SLC6A18: variants seen among roughly 807,000 people sequenced by gnomAD.
SLC6A18 encodes solute carrier family 6 member 18.
Under a neutral mutation model 62.9 loss-of-function variants are expected in SLC6A18, and 58 were observed. That is an observed-to-expected ratio of 0.92 (90% confidence interval 0.75 to 1.15). The LOEUF (loss-of-function observed/expected upper bound fraction) is 1.15. Among genes scored for constraint, SLC6A18 ranks in the 50% most tolerant of loss-of-function variants. The pLI, the probability that SLC6A18 is intolerant of heterozygous loss-of-function variation, is 0.00. For synonymous variants in SLC6A18, 382 were observed against 365.8 expected, an observed-to-expected ratio of 1.04 and a Z score of -0.51; for missense variants, 793 against 836.6, an observed-to-expected ratio of 0.95 and a Z score of 0.64.
In SLC6A18 at chr5:1,236,942, A is replaced by C. The variant is rs536846220; in HGVS notation, c.622-1008A>C. Among the ~76,000 whole-genome samples the C allele has an allele frequency of 4.6e-5, 7 of 152,224 alleles. No individual in the cohort carries two copies. In the South Asian group the frequency reaches 1.5e-3, roughly 32 times the overall value. On this transcript the variant is annotated intron_variant, in intron 4 of 11. Coordinates refer to ENST00000324642, the MANE Select transcript of SLC6A18 (RefSeq NM_182632.3). Reference sequence around the variant, plus strand: ...AATCCTATTATAAAGGCCCTTAAAAATGCATCCCAAGCTGGGCACAGTGGC... The same window carrying C: ...AATCCTATTATAAAGGCCCTTAAAACTGCATCCCAAGCTGGGCACAGTGGC...
chr5:1,231,402 C>G (rs957358759), intron 1 of SLC6A18, among the ~76,000 whole-genome samples: 1 of 152,302 alleles, frequency 6.6e-6, no homozygotes, highest in Admixed American at 6.5e-5. Flanking sequence ...AGTGGGGGGA[C>G]TGGTCCAGCC....
chr5:1,226,410 G>A (rs898241475), intron 1 of SLC6A18, among the ~76,000 whole-genome samples: 1 of 152,144 alleles, frequency 6.6e-6, no homozygotes, highest in Non-Finnish European at 1.5e-5. Context: ...CAGGCAACAC[G>A]GGCAGGGGCT....
chr5:1,240,208 G>A (rs141545259), intron 6 of SLC6A18, among the ~76,000 whole-genome samples: 1 of 152,238 alleles, frequency 6.6e-6, no homozygotes, highest in Non-Finnish European at 1.5e-5. Flanking sequence ...CTCCTTTGGA[G>A]ATGATTTTCC....
In SLC6A18 at chr5:1,243,542, C is replaced by T. The variant is rs948520092; in HGVS notation, c.1132-13C>T. On this transcript the variant is annotated splice_polypyrimidine_tract_variant and intron_variant, in intron 8 of 11. Transcript: ENST00000324642. This position sits in a 1 kb window ranked among gnomAD's most constrained non-coding sequence, Gnocchi z 6.5. ...TGTGCGTGGCCTGAAGCCCGGGGCTCCGTGTATTGCAGAGTGCCTCGGGCC... is the reference window on the plus strand; with the variant it reads ...TGTGCGTGGCCTGAAGCCCGGGGCTTCGTGTATTGCAGAGTGCCTCGGGCC... The T allele has an allele frequency of 1.2e-6, 2 of 1,612,166 alleles. No homozygotes were observed. Among genetic ancestry groups the T allele is most frequent in the African/African-American group, 2.7e-5 (2 of 74,904 alleles).
chr5:1,245,792 G>T (rs897828064), intron 11 of SLC6A18, 56 bp from the exon 12 acceptor site: 38 of 1,525,660 alleles, frequency 2.5e-5, no homozygotes, highest in Admixed American at 9.5e-5. Context: ...GAGCACGGGG[G>T]TCAGCCTCAC....
At position 1,233,199 on chromosome 5, in the gene SLC6A18, C is replaced by T. The variant is rs572214461; in HGVS notation, c.439+311C>T. On this transcript the variant is annotated intron_variant, in intron 3 of 11. Transcript: ENST00000324642. ...TGTTGTTAGATTTAAGACGTTAGGT[C>T]GGACGCCGTGGCTCACGCTTGTCAA... Among the ~76,000 whole-genome samples the T allele has an allele frequency of 1.5e-4, 23 of 152,294 alleles. No individual in the cohort carries two copies. In the South Asian group the frequency reaches 2.9e-3, roughly 19 times the overall value.
rs556538069 is a variant in SLC6A18 at position 1,243,380 on chromosome 5, C to T, written c.1132-175C>T. Reference sequence around the variant, plus strand: ...ACCCTCCCCTGCAGAGTTGCGCTTGCAGCCTCGTCTCCCAGAAGGCATGGC... The same window carrying T: ...ACCCTCCCCTGCAGAGTTGCGCTTGTAGCCTCGTCTCCCAGAAGGCATGGC... On this transcript the variant is annotated intron_variant, in intron 8 of 11. Transcript: ENST00000324642. The surrounding 1 kb of genome is among the most constrained non-coding windows in gnomAD (Gnocchi z 6.5). Among the ~76,000 whole-genome samples, 12 of 152,332 alleles carry T rather than the reference C, an allele frequency of 7.9e-5. No individual in the cohort carries two copies. In the East Asian group the frequency reaches 1.5e-3, roughly 20 times the overall value.
In SLC6A18 at chr5:1,235,400, C is replaced by T. The variant is rs573703677; in HGVS notation, c.440-81C>T. The stretch of plus-strand genomic sequence containing the variant: ...CCAAAAGGGCAGTGTTGTGAGCAGC[C>T]CAGGGAAATTGAGCTCAAGAGCCAC... On this transcript the variant is annotated intron_variant, in intron 3 of 11. Transcript: ENST00000324642. The T allele has an allele frequency of 1.2e-5, 17 of 1,431,014 alleles. No individual in the cohort carries two copies. In the South Asian group the frequency reaches 2.0e-4, roughly 17 times the overall value. The allele number at this position is 1,431,014 out of a possible 1,614,324, so 88.6% of individuals were successfully genotyped here.
At chr5:1,237,553 T>A (rs115806907) in intron 4 of SLC6A18, among the ~76,000 whole-genome samples, 2,635 of 152,072 alleles carry the variant, frequency 0.017, 86 homozygotes, top group African/African-American at 0.06. Context: ...GGAAAGGATA[T>A]GGTCAGAAAC....
chr5:1,228,635 C>T (rs574620198), intron 1 of SLC6A18, among the ~76,000 whole-genome samples: 13 of 152,224 alleles, frequency 8.5e-5, no homozygotes, highest in African/African-American at 1.2e-4. Context: ...TGCTTATGAA[C>T]GACTGCTAAA....
intron 3 of SLC6A18, among the ~76,000 whole-genome samples, chr5:1,234,569 C>A (rs1005574152): frequency 6.6e-6 from 1 of 152,250 alleles, no homozygotes; most frequent in African/African-American, 2.4e-5. Flanking sequence ...TTCAGGCAGG[C>A]CGAGAGGAGT....
rs892024507 is a variant in SLC6A18 at position 1,241,870 on chromosome 5, G to GC, written c.975-834dup. Among the ~76,000 whole-genome samples, 38 of 152,364 alleles carry GC rather than the reference G, an allele frequency of 2.5e-4. No homozygotes were observed. The highest frequency in any genetic ancestry group is 3.4e-3 in the Middle Eastern group (1 of 294). On this transcript the variant is annotated intron_variant, in intron 7 of 11. Coordinates refer to ENST00000324642, the MANE Select transcript of SLC6A18 (RefSeq NM_182632.3). The surrounding 1 kb of genome is among the most constrained non-coding windows in gnomAD (Gnocchi z 7.8). ...GATAAGGACCAGCCGTGCGCACAAC[G>GC]CCCTGCGCCGTGCAGCCCAAGCTGG...
Position 1,228,596 on chromosome 5 carries a change from G to A in SLC6A18, c.160+2959G>A, listed in dbSNP as rs192149029. On this transcript the variant is annotated intron_variant, in intron 1 of 11. Coordinates refer to ENST00000324642, the MANE Select transcript of SLC6A18 (RefSeq NM_182632.3). ...CCAGCCGTTCACAGCCACCTTTCCC[G>A]TCTTCGGCAGACACCACTGCGTCCT... is the stretch of plus-strand genomic sequence containing the variant. Among the ~76,000 whole-genome samples the A allele has an allele frequency of 4.4e-4, 67 of 152,304 alleles. 2 individuals carry two copies. The East Asian group carries it at 9.8e-3, about 22-fold the overall frequency.
intron 4 of SLC6A18, 107 bp downstream of exon 4, chr5:1,235,769 T>C: frequency 1.7e-6 from 2 of 1,144,838 alleles, no homozygotes; most frequent in Non-Finnish European, 2.6e-6. Context: ...GCGAGGGGCA[T>C]AAACATCTAG....
At chr5:1,242,236 A>C (rs1372494673) in intron 7 of SLC6A18, among the ~76,000 whole-genome samples, 1 of 152,208 alleles carries the variant, frequency 6.6e-6, no homozygotes, top group Non-Finnish European at 1.5e-5. Flanking sequence ...TCCCCTTCCA[A>C]ACCCAGGGGG....
intron 3 of SLC6A18, among the ~76,000 whole-genome samples, chr5:1,234,476 T>C (rs902376290): frequency 1.3e-5 from 2 of 152,222 alleles, no homozygotes; most frequent in Non-Finnish European, 2.9e-5. Context: ...CCCGAGTTCC[T>C]GGGTGATGGT....
intron 1 of SLC6A18, among the ~76,000 whole-genome samples, chr5:1,231,216 G>C (rs934155074): frequency 4.6e-5 from 7 of 152,204 alleles, no homozygotes; most frequent in African/African-American, 1.4e-4. Flanking sequence ...TTCCACTGCG[G>C]GTGCCCCAGG....
At position 1,233,585 on chromosome 5, in the gene SLC6A18, CT is replaced by C. The variant is rs111463112; in HGVS notation, c.439+713del. Among the ~76,000 whole-genome samples the C allele has an allele frequency of 5.3e-3, 738 of 138,522 alleles. 2 individuals are homozygous for C. Among genetic ancestry groups the C allele is most frequent in the Non-Finnish European group, 6.0e-3 (389 of 64,644 alleles). The allele number at this position is 138,522 out of a possible 152,430, so 90.9% of individuals were successfully genotyped here. A position where few individuals can be genotyped will look rare whatever the true frequency, so the allele number is the denominator to read the frequency against. On this transcript the variant is annotated intron_variant, in intron 3 of 11. Transcript: ENST00000324642. Reference sequence around the variant, plus strand: ...ACATGAATGACAGTTATATTTTCTTCTTTTTTTTTTTTTTTTGGGACAAGGT... The same window carrying C: ...ACATGAATGACAGTTATATTTTCTTCTTTTTTTTTTTTTTTGGGACAAGGT...
In SLC6A18 at chr5:1,241,472, A is replaced by G. The variant is rs915195735; in HGVS notation, c.974+813A>G. Among the ~76,000 whole-genome samples, 47 of 152,306 alleles carry G rather than the reference A, an allele frequency of 3.1e-4. No homozygotes were observed. The highest frequency in any genetic ancestry group is 9.9e-4 in the African/African-American group (41 of 41,570). ...TACAGTGTCCAGGACGGCCCCACCC[A>G]GAGAGTGACCAGCCCTGAGTGTTCC... On this transcript the variant is annotated intron_variant, in intron 7 of 11. Coordinates refer to ENST00000324642, the MANE Select transcript of SLC6A18 (RefSeq NM_182632.3). The surrounding 1 kb of genome is among the most constrained non-coding windows in gnomAD (Gnocchi z 7.8).
Sources: allele counts gnomAD v4.1 joint callset (sites outside exome capture counted in the v4.1 genomes callset), GRCh38; gene constraint gnomAD v4.1.1; non-coding constraint Gnocchi (gnomAD v3.1); transcripts MANE v1.5; gene names NCBI Gene and HGNC (gene_info 2026-07-23, HGNC 2026-07-21).